SPIRE1: variants seen among roughly 807,000 people sequenced by gnomAD.
The protein encoded by SPIRE1 is protein spire homolog 1.
SPIRE1 carries 40 observed loss-of-function variants against 94.1 expected under a neutral mutation model. The observed-to-expected ratio is 0.43, with a 90% CI of 0.33 to 0.55. The LOEUF (loss-of-function observed/expected upper bound fraction) is 0.55, where lower values mean the gene tolerates loss of function less well. Among genes scored for constraint, SPIRE1 ranks in the 20% least tolerant of loss-of-function variants. The pLI is 0.06. For missense variants in SPIRE1, 838 were observed against 975.2 expected, an observed-to-expected ratio of 0.86 and a Z score of 1.87; for synonymous variants, 376 against 371.7, an observed-to-expected ratio of 1.01 and a Z score of -0.13.
At chr18:12,508,323 A>T (rs928592810) in intron 5 of SPIRE1, among the ~76,000 whole-genome samples, 1 of 152,166 alleles carries the variant, frequency 6.6e-6, no homozygotes. Flanking sequence ...GGACAATAAG[A>T]AGCTACCAAA....
At position 12,535,500 on chromosome 18, in the gene SPIRE1, C is replaced by T. The variant is rs771470054; in HGVS notation, c.705G>A (p.Leu235=). 3.1e-6 allele frequency: 5 copies of T among 1,613,194 alleles called. No individual in the cohort carries two copies. The highest frequency in any genetic ancestry group is 3.4e-6 in the Non-Finnish European group (4 of 1,179,392). Residue 235 remains leucine (L), a synonymous_variant, in exon 4 of 17, where the codon CTG becomes CTA. Transcript: ENST00000409402. ...FAETMELHTF[L]TKIKSAKENL... ...CCTCTTTCGCACTCTTAATTTTGGT[C>T]AGAAATGTATGGAGCTCCATTGTTT...
At chr18:12,600,074 C>G (rs2036788852) in intron 2 of SPIRE1, among the ~76,000 whole-genome samples, 1 of 141,034 alleles carries the variant, frequency 7.1e-6, no homozygotes, top group Admixed American at 7.6e-5. Context: ...TCTCTACGTG[C>G]TGAGGGCATT....
In SPIRE1 at chr18:12,463,381, C is replaced by T. The variant is rs1192160563; in HGVS notation, c.1608G>A (p.Leu536=). 6.2e-7 allele frequency: 1 copy of T among 1,613,578 alleles called. No individual in the cohort carries two copies. Among genetic ancestry groups the T allele is most frequent in the Non-Finnish European group, 8.5e-7 (1 of 1,179,792 alleles). ...AGCGGGAACTCTGCCTGGAAGGCGGCAGGAACTGCCTCACGTTAGTAGGCG... is the reference window on the plus strand; with the variant it reads ...AGCGGGAACTCTGCCTGGAAGGCGGTAGGAACTGCCTCACGTTAGTAGGCG... ...KETPTNVRQF[L]PPSRQSSRSL... Residue 536 remains leucine (L), a synonymous_variant, in exon 12 of 17, where the codon CTG becomes CTA. Coordinates refer to ENST00000409402, the MANE Select transcript of SPIRE1 (RefSeq NM_001128626.2).
Position 12,506,620 on chromosome 18 carries a change from T to C in SPIRE1, c.829A>G (p.Met277Val), listed in dbSNP as rs1339658856. ...ADWARFWVQVMRDLRNGVKLK... is the reference protein window; with the variant it reads ...ADWARFWVQVVRDLRNGVKLK... Reference sequence around the variant, plus strand: ...TTTACCCCATTCCTCAAATCCCTCATCACCTGTACCCAGAATCGTGCCTGA... The same window carrying C: ...TTTACCCCATTCCTCAAATCCCTCACCACCTGTACCCAGAATCGTGCCTGA... Residue 277 changes from methionine to valine, a missense_variant, in exon 6 of 17, where the codon ATG becomes GTG. Physicochemically the swap from Met to Val is conservative, Grantham distance 21 (BLOSUM62 1). Transcript: ENST00000409402. The C allele has an allele frequency of 1.2e-6, 2 of 1,613,988 alleles. No individual in the cohort carries two copies. The highest frequency in any genetic ancestry group is 8.5e-7 in the Non-Finnish European group (1 of 1,180,010).
chr18:12,461,438 A>ATG (rs1470041011), intron 12 of SPIRE1, among the ~76,000 whole-genome samples: 5 of 140,150 alleles, frequency 3.6e-5, no homozygotes, highest in South Asian at 2.1e-4. Context: ...GTATGTATGT[A>ATG]TATACATACA....
At chr18:12,484,492 A>G (rs2032962318) in intron 9 of SPIRE1, among the ~76,000 whole-genome samples, 1 of 152,222 alleles carries the variant, frequency 6.6e-6, no homozygotes, top group Admixed American at 6.5e-5. Context: ...TAAGCAAAAG[A>G]TTTAAAAACA....
chr18:12,575,025 C>T (rs1297337776), intron 2 of SPIRE1, among the ~76,000 whole-genome samples: 1 of 152,052 alleles, frequency 6.6e-6, no homozygotes, highest in Non-Finnish European at 1.5e-5. Flanking sequence ...ACAGCAGTCT[C>T]AGAAAATTCA....
At chr18:12,452,428 G>A (rs770215686) in intron 15 of SPIRE1, 37 bp from the exon 16 acceptor site, 27 of 1,614,110 alleles carry the variant, frequency 1.7e-5, no homozygotes, top group East Asian at 2.2e-5. Context: ...GAGCAGTACC[G>A]TTAAAGAGGC....
intron 4 of SPIRE1, among the ~76,000 whole-genome samples, chr18:12,516,392 C>A (rs1474511148): frequency 6.6e-6 from 1 of 152,164 alleles, no homozygotes; most frequent in Non-Finnish European, 1.5e-5. Context: ...AAAAGATTTG[C>A]TGCCAGAGTT....
intron 1 of SPIRE1, among the ~76,000 whole-genome samples, chr18:12,636,896 G>C (rs1200423969): frequency 6.6e-6 from 1 of 152,102 alleles, no homozygotes; most frequent in East Asian, 1.9e-4. Context: ...CATAAAATTG[G>C]TAATTAATTT....
chr18:12,525,276 C>CAAAAAAA (rs1170791088), intron 4 of SPIRE1, among the ~76,000 whole-genome samples: 24 of 71,464 alleles, frequency 3.4e-4, no homozygotes, highest in Admixed American at 1.0e-3. Context: ...GACTCCGTCT[C>CAAAAAAA]AAAAAAAAAA....
intron 12 of SPIRE1, among the ~76,000 whole-genome samples, chr18:12,460,745 T>A (rs1177509499): frequency 6.6e-6 from 1 of 151,968 alleles, no homozygotes; most frequent in African/African-American, 2.4e-5. Context: ...AATAAAAACA[T>A]TCCTGCCATT....
At position 12,658,086 on chromosome 18, in the gene SPIRE1, C is replaced by A; in HGVS notation, c.-220G>T. On this transcript the variant is annotated 5_prime_UTR_variant, in exon 1 of 17. Transcript: ENST00000409402. ...CAGTCCCGGTCAGACAGCCGCCGGC[C>A]GGTAGCGACGCGATGGCGTCCGGCG... The A allele has an allele frequency of 1.0e-6, 1 of 991,406 alleles. No homozygotes were observed. The highest frequency in any genetic ancestry group is 1.2e-6 in the Non-Finnish European group (1 of 835,118). 61.4% of individuals were successfully genotyped at this position (991,406 alleles called of 1,614,324 possible).
intron 2 of SPIRE1, among the ~76,000 whole-genome samples, chr18:12,611,285 T>C (rs1457480319): frequency 2.0e-5 from 3 of 152,228 alleles, no homozygotes; most frequent in African/African-American, 7.2e-5. Flanking sequence ...ACTGTGTCCA[T>C]GTGATCAACA....
chr18:12,620,670 CCT>C (rs745554621), intron 2 of SPIRE1, among the ~76,000 whole-genome samples: 10 of 152,080 alleles, frequency 6.6e-5, no homozygotes, highest in Non-Finnish European at 1.2e-4. Flanking sequence ...CGATCAAAGA[CCT>C]AAATATAAGA....
At chr18:12,570,093 A>C (rs1329697404) in intron 2 of SPIRE1, among the ~76,000 whole-genome samples, 3 of 152,134 alleles carry the variant, frequency 2.0e-5, no homozygotes, top group Admixed American at 2.0e-4. Context: ...CGTATCCCAT[A>C]ATCAAGTCTT....
chr18:12,626,894 T>A lies in SPIRE1; in HGVS notation c.372+8168A>T, dbSNP rs1267943599. 2.5e-3 allele frequency among the ~76,000 whole-genome samples: 328 copies of A among 129,008 alleles called. 2 individuals carry two copies. The highest frequency in any genetic ancestry group is 6.6e-3 in the East Asian group (33 of 5,008). The allele number at this position is 129,008 out of a possible 152,430, so 84.6% of individuals were successfully genotyped here. A position where few individuals can be genotyped will look rare whatever the true frequency, so the allele number is the denominator to read the frequency against. Reference sequence around the variant, plus strand: ...TATATATATATATATATATTTTTTTTTTTTTTTTGCCCAGAGGATGATCAT... The same window carrying A: ...TATATATATATATATATATTTTTTTATTTTTTTTGCCCAGAGGATGATCAT... On this transcript the variant is annotated intron_variant, in intron 2 of 16. Coordinates refer to ENST00000409402, the MANE Select transcript of SPIRE1 (RefSeq NM_001128626.2).
chr18:12,540,107 G>A (rs4313868), intron 3 of SPIRE1, among the ~76,000 whole-genome samples: 1,694 of 151,926 alleles, frequency 0.011, 37 homozygotes, highest in African/African-American at 0.039. Flanking sequence ...GAGTGTCCCA[G>A]GCATGGGAGG....
In SPIRE1 at chr18:12,450,725, A is replaced by G; in HGVS notation, c.2013-829T>C. The G allele has an allele frequency of 6.0e-6, 4 of 663,802 alleles. No individual in the cohort carries two copies. In the East Asian group the frequency reaches 1.1e-4, roughly 18 times the overall value. The allele number at this position is 663,802 out of a possible 1,614,324, so 41.1% of individuals were successfully genotyped here. A position where few individuals can be genotyped will look rare whatever the true frequency, so the allele number is the denominator to read the frequency against. Reference sequence around the variant, plus strand: ...GAAGAAGGATCCTAATGCCCCGAAAAAGCCACCGTCTGGATTCTTCCTGCT... The same window carrying G: ...GAAGAAGGATCCTAATGCCCCGAAAGAGCCACCGTCTGGATTCTTCCTGCT... On this transcript the variant is annotated intron_variant, in intron 16 of 16. Coordinates refer to ENST00000409402, the MANE Select transcript of SPIRE1 (RefSeq NM_001128626.2).
Sources: allele counts gnomAD v4.1 joint callset (sites outside exome capture counted in the v4.1 genomes callset), GRCh38; gene constraint gnomAD v4.1.1; transcripts MANE v1.5; gene names NCBI Gene and HGNC (gene_info 2026-07-23, HGNC 2026-07-21).